ERI1: variants seen among roughly 807,000 people sequenced by gnomAD.
ERI1 encodes 3'-5' exoribonuclease 1.
A neutral mutation model predicts 39.7 loss-of-function variants in ERI1; 39 were observed. The observed-to-expected ratio is 0.98, with a 90% CI of 0.76 to 1.28. The LOEUF (loss-of-function observed/expected upper bound fraction) is 1.28. Among genes scored for constraint, ERI1 ranks in the 50% most tolerant of loss-of-function variants. The pLI is 0.00. For missense variants in ERI1, 581 were observed against 416.9 expected, an observed-to-expected ratio of 1.39 and a Z score of -3.43; for synonymous variants, 204 against 149.6, an observed-to-expected ratio of 1.36 and a Z score of -2.65.
chr8:9,067,283 A>C (rs887412356), intron 3 of ERI1, among the ~76,000 whole-genome samples: 1 of 152,188 alleles, frequency 6.6e-6, no homozygotes, highest in African/African-American at 2.4e-5. Flanking sequence ...TAAGTTTTCT[A>C]GATATAAAGA....
chr8:9,043,521 T>G (rs1338167622), intron 3 of ERI1, among the ~76,000 whole-genome samples: 20 of 152,200 alleles, frequency 1.3e-4, no homozygotes. Context: ...TGTGGAGAAA[T>G]CTTTTCATCA....
chr8:9,004,485 CT>C (rs71201904), intron 1 of ERI1, among the ~76,000 whole-genome samples: 28,611 of 77,790 alleles, frequency 0.37, 4,984 homozygotes, highest in East Asian at 0.53. Context: ...TATAGTGATA[CT>C]TTTTTTTTTT....
At chr8:9,046,180 C>A (rs1263352537) in intron 3 of ERI1, among the ~76,000 whole-genome samples, 1 of 152,218 alleles carries the variant, frequency 6.6e-6, no homozygotes, top group East Asian at 1.9e-4. Context: ...ATTGGTCTTG[C>A]TGATGGAATG....
chr8:9,058,570 C>A (rs1037620244), intron 3 of ERI1, among the ~76,000 whole-genome samples: 1 of 152,166 alleles, frequency 6.6e-6, no homozygotes, highest in African/African-American at 2.4e-5. Context: ...TTTTTCTCTA[C>A]ACGTTTAGAG....
chr8:9,004,163 T>C, intron 1 of ERI1: 3 of 1,289,082 alleles, frequency 2.3e-6, no homozygotes, highest in Non-Finnish European at 3.0e-6. Context: ...TGCACTTCCT[T>C]TGGATCCTTG....
At chr8:9,028,871 G>T (rs1388348351) in intron 6 of ERI1, among the ~76,000 whole-genome samples, 1 of 151,786 alleles carries the variant, frequency 6.6e-6, no homozygotes, top group Non-Finnish European at 1.5e-5. Context: ...TGATCCACCT[G>T]CCTTGGCCTC....
chr8:9,039,047 C>T (rs905812505), intron 3 of ERI1, among the ~76,000 whole-genome samples: 11 of 152,066 alleles, frequency 7.2e-5, no homozygotes, highest in Non-Finnish European at 1.3e-4. Context: ...TGAAAGGTGC[C>T]TAACTTTTAG....
At chr8:9,022,272 C>G (rs1817990988) in intron 6 of ERI1, among the ~76,000 whole-genome samples, 3 of 151,990 alleles carry the variant, frequency 2.0e-5, no homozygotes, top group African/African-American at 7.2e-5. Flanking sequence ...AAATTTCTGA[C>G]TGTTTTAAAA....
intron 3 of ERI1, among the ~76,000 whole-genome samples, chr8:9,067,381 CATGTGTGT>C (rs1477933722): frequency 8.4e-4 from 58 of 69,088 alleles, no homozygotes; most frequent in Admixed American, 3.4e-3. Context: ...AACCTGTGTG[CATGTGTGT>C]GTGTGTGTGT....
chr8:9,015,861 A>G (rs1035497842), intron 3 of ERI1, among the ~76,000 whole-genome samples: 12 of 152,188 alleles, frequency 7.9e-5, no homozygotes, highest in East Asian at 3.8e-4. Context: ...ATTTAGTTCA[A>G]TTGGATTTTT....
downstream of ERI1, among the ~76,000 whole-genome samples, chr8:9,036,961 CT>C (rs1379597768): frequency 6.6e-6 from 1 of 152,164 alleles, no homozygotes; most frequent in African/African-American, 2.4e-5. Flanking sequence ...CTCCCTCCCC[CT>C]TTTAGCACAA....
intron 3 of ERI1, among the ~76,000 whole-genome samples, chr8:9,094,068 C>T (rs989025010): frequency 1.3e-5 from 2 of 151,264 alleles, no homozygotes; most frequent in Non-Finnish European, 2.9e-5. Flanking sequence ...TTGTTATAAA[C>T]TAATTTTTTA....
At chr8:9,055,463 C>T (rs1468549195) in intron 3 of ERI1, among the ~76,000 whole-genome samples, 1 of 152,224 alleles carries the variant, frequency 6.6e-6, no homozygotes, top group Non-Finnish European at 1.5e-5. Flanking sequence ...CTCTCGTTTG[C>T]AGCATTTCTT....
chr8:9,009,177 T>C lies in ERI1; in HGVS notation c.287+1029T>C, dbSNP rs937534116. Reference sequence around the variant, plus strand: ...TTTATTCAACAAGCCTGTATTGAATTCTAAGTACTGCACTAGGCATTGAAG... The same window carrying C: ...TTTATTCAACAAGCCTGTATTGAATCCTAAGTACTGCACTAGGCATTGAAG... On this transcript the variant is annotated intron_variant, in intron 2 of 6. Transcript: ENST00000250263. The C allele has an allele frequency of 1.8e-5, 8 of 436,580 alleles. No individual in the cohort carries two copies. The East Asian group carries it at 4.2e-4, about 23-fold the overall frequency. 27.0% of individuals were successfully genotyped at this position (436,580 alleles called of 1,614,324 possible). A position where few individuals can be genotyped will look rare whatever the true frequency, so the allele number is the denominator to read the frequency against.
rs28579987 is a variant in ERI1 at position 9,015,098 on chromosome 8, G to A, written c.499-1224G>A. ...GTAATCCACCCCCCTTGGCCTCCCA[G>A]AGTGCTGGGATTACAGGCATTAGTC... On this transcript the variant is annotated intron_variant, in intron 3 of 6. Coordinates refer to ENST00000250263, the MANE Select transcript of ERI1 (RefSeq NM_153332.4). 7.9e-3 allele frequency among the ~76,000 whole-genome samples: 1,204 copies of A among 152,144 alleles called. 16 individuals carry two copies. Among genetic ancestry groups the A allele is most frequent in the African/African-American group, 0.028 (1,157 of 41,510 alleles).
At chr8:9,067,240 A>G (rs1798906612) in intron 3 of ERI1, among the ~76,000 whole-genome samples, 1 of 152,150 alleles carries the variant, frequency 6.6e-6, no homozygotes, top group South Asian at 2.1e-4. Context: ...CAAAGACTGT[A>G]TACACGTTCC....
chr8:9,058,139 G>A (rs1321981820), intron 3 of ERI1, among the ~76,000 whole-genome samples: 1 of 152,226 alleles, frequency 6.6e-6, no homozygotes, highest in East Asian at 1.9e-4. Context: ...AAAGGCAGGA[G>A]CTGGAGGAGA....
At chr8:9,054,081 G>T (rs2117380226) in intron 3 of ERI1, among the ~76,000 whole-genome samples, 1 of 152,220 alleles carries the variant, frequency 6.6e-6, no homozygotes, top group Non-Finnish European at 1.5e-5. Flanking sequence ...CCAGATTTGT[G>T]ATTTATTCTG....
rs180737958 is a variant in ERI1, at chr8:9,008,275, C to A, written c.287+127C>A. The A allele has an allele frequency of 2.3e-3, 1,937 of 826,556 alleles. 30 individuals are homozygous for A. The African/African-American group carries it at 0.031, about 13-fold the overall frequency. The allele number at this position is 826,556 out of a possible 1,614,324, so 51.2% of individuals were successfully genotyped here. ...ATGACATGATCCTATTAACAGTTCA[C>A]AAAAACTAATTAACATTTTTTATGT... is the stretch of plus-strand genomic sequence containing the variant. On this transcript the variant is annotated intron_variant, in intron 2 of 6. Coordinates refer to ENST00000250263, the MANE Select transcript of ERI1 (RefSeq NM_153332.4).
Sources: gnomAD v4.1 joint callset for allele counts (sites outside exome capture counted in the v4.1 genomes callset) on GRCh38, gnomAD v4.1.1 for gene constraint, MANE v1.5 for transcripts, NCBI Gene and HGNC (gene_info 2026-07-23, HGNC 2026-07-21) for gene names.